AFF1: variants seen among roughly 807,000 people sequenced by gnomAD.
The protein encoded by AFF1 is AF4/FMR2 family member 1.
In AFF1, 48 loss-of-function variants were observed where a neutral mutation model predicts 121.7. The observed-to-expected ratio is 0.39, with a 90% CI of 0.31 to 0.50. The LOEUF is 0.50. AFF1 is among the 20% of genes least tolerant of loss of function. The pLI is 0.76. For synonymous variants in AFF1, 613 were observed against 563.0 expected (o/e 1.09, Z -1.26); for missense variants, 1,523 against 1,511.7 (o/e 1.01, Z -0.12).
chr4:87,040,009 A>G (rs1348862270), intron 2 of AFF1, among the ~76,000 whole-genome samples: 1 of 152,078 alleles, frequency 6.6e-6, no homozygotes. Flanking sequence ...CTCCTGCCTC[A>G]GCCTCCCAAG....
intron 2 of AFF1, chr4:86,949,678 G>A: frequency 2.6e-6 from 4 of 1,566,012 alleles, no homozygotes; most frequent in African/African-American, 2.7e-5. Context: ...AGAGCAGGAA[G>A]GGGATGATGG....
intron 2 of AFF1, chr4:87,007,159 A>T: frequency 3.8e-6 from 5 of 1,323,994 alleles, no homozygotes; most frequent in Non-Finnish European, 4.8e-6. Flanking sequence ...GCTCGTCTGA[A>T]GTGCAGATCG....
At chr4:87,057,615 G>T (rs753380159) in intron 4 of AFF1, among the ~76,000 whole-genome samples, 2 of 152,092 alleles carry the variant, frequency 1.3e-5, no homozygotes, top group Non-Finnish European at 2.9e-5. Flanking sequence ...TGGACAGAGG[G>T]TTATCAAAAT....
intron 11 of AFF1, among the ~76,000 whole-genome samples, chr4:87,111,830 T>G (rs762834740): frequency 1.5e-3 from 228 of 152,318 alleles, no homozygotes; most frequent in Non-Finnish European, 2.4e-3. Flanking sequence ...ACATAGGCCT[T>G]CCTTTGGAAC....
chr4:87,111,202 A>G (rs1726492647), intron 11 of AFF1, among the ~76,000 whole-genome samples: 1 of 79,826 alleles, frequency 1.3e-5, no homozygotes, highest in Non-Finnish European at 2.7e-5. Context: ...TTTTTTTAGT[A>G]GAGACGGGGT....
rs551622720 is a variant in AFF1 at position 87,078,681 on chromosome 4, T to C, written c.1060-5439T>C. ...ATCGGGGCAAGAAAAGTGTGACTTA[T>C]CTAACTAGCGAGTTGGGGGTAGATG... On this transcript the variant is annotated intron_variant, in intron 4 of 20. Coordinates refer to ENST00000395146, the MANE Select transcript of AFF1 (RefSeq NM_001166693.3). 7.2e-5 allele frequency among the ~76,000 whole-genome samples: 11 copies of C among 152,306 alleles called. No individual in the cohort carries two copies. The East Asian group carries it at 1.7e-3, about 24-fold the overall frequency.
intron 2 of AFF1, among the ~76,000 whole-genome samples, chr4:86,968,211 C>T (rs1412847778): frequency 1.3e-5 from 2 of 152,174 alleles, no homozygotes; most frequent in Non-Finnish European, 2.9e-5. Flanking sequence ...AAAGATACAA[C>T]CTTTTATTAT....
intron 2 of AFF1, among the ~76,000 whole-genome samples, chr4:86,969,416 T>G (rs1306707470): frequency 1.3e-5 from 2 of 149,700 alleles, no homozygotes; most frequent in African/African-American, 4.9e-5. Flanking sequence ...GAGGCAGAGG[T>G]TGCAGTGAGC....
At chr4:87,124,452 CTATTGTTGT>C (rs1728020404) in intron 12 of AFF1, among the ~76,000 whole-genome samples, 1 of 152,186 alleles carries the variant, frequency 6.6e-6, no homozygotes, top group Admixed American at 6.5e-5. Context: ...GCAATTGTTT[CTATTGTTGT>C]TATATATCTT....
chr4:87,098,938 G>C (rs780755621), intron 8 of AFF1, among the ~76,000 whole-genome samples: 31 of 152,104 alleles, frequency 2.0e-4, no homozygotes, highest in Non-Finnish European at 3.5e-4. Context: ...TCAAAACATT[G>C]TTGGCTTTTA....
At position 87,136,715 on chromosome 4, in the gene AFF1, CA is replaced by C. The variant is rs1174961801; in HGVS notation, c.*1015del. ...CAGTTATGTGGTAACTCATGTTGTC[CA>C]GCCAACTCAGAGTTTCGTCAGTGAA... is the stretch of plus-strand genomic sequence containing the variant. On this transcript the variant is annotated 3_prime_UTR_variant, in exon 21 of 21. Coordinates refer to ENST00000395146, the MANE Select transcript of AFF1 (RefSeq NM_001166693.3). 1.3e-5 allele frequency: 3 copies of C among 228,842 alleles called. No individual in the cohort carries two copies. The highest frequency in any genetic ancestry group is 2.2e-5 in the African/African-American group (1 of 45,042). 14.2% of individuals were successfully genotyped at this position (228,842 alleles called of 1,614,324 possible). A position where few individuals can be genotyped will look rare whatever the true frequency, so the allele number is the denominator to read the frequency against.
intron 2 of AFF1, among the ~76,000 whole-genome samples, chr4:86,952,544 C>G (rs1721423864): frequency 6.6e-6 from 1 of 152,034 alleles, no homozygotes; most frequent in Non-Finnish European, 1.5e-5. Context: ...AGCAAGCCAC[C>G]ACAGCATGTG....
At chr4:87,096,596 G>A (rs1724894144) in intron 8 of AFF1, among the ~76,000 whole-genome samples, 1 of 151,624 alleles carries the variant, frequency 6.6e-6, no homozygotes, top group African/African-American at 2.4e-5. Context: ...TTGGAGTGCA[G>A]TGGCTCTTCA....
intron 2 of AFF1, among the ~76,000 whole-genome samples, chr4:87,000,678 C>A (rs1324810937): frequency 6.9e-6 from 1 of 144,980 alleles, no homozygotes. Flanking sequence ...TGTTTGTAGA[C>A]TGATAATAAG....
intron 4 of AFF1, among the ~76,000 whole-genome samples, chr4:87,063,228 CTTTTTTTTTTT>C (rs569577993): frequency 6.1e-4 from 27 of 44,436 alleles, no homozygotes; most frequent in East Asian, 2.5e-3. Context: ...AGATTCACCT[CTTTTTTTTTTT>C]TTTTTTTTTT....
In AFF1 at chr4:86,959,491, CT is replaced by C. The variant is rs34054629; in HGVS notation, c.38+10936del. Among the ~76,000 whole-genome samples, 903 of 97,948 alleles carry C rather than the reference CT, an allele frequency of 9.2e-3. 11 individuals carry two copies. Among genetic ancestry groups the C allele is most frequent in the African/African-American group, 0.022 (683 of 31,334 alleles). The allele number at this position is 97,948 out of a possible 152,430, so 64.3% of individuals were successfully genotyped here. A position where few individuals can be genotyped will look rare whatever the true frequency, so the allele number is the denominator to read the frequency against. ...CTCCCTTTTAAAGTTCCTTAATACT[CT>C]TTTTTTTTTTTTTTTCCCAATGTGA... On this transcript the variant is annotated intron_variant, in intron 2 of 20. Transcript: ENST00000395146.
At chr4:87,026,978 G>A (rs930259167) in intron 2 of AFF1, among the ~76,000 whole-genome samples, 3 of 152,168 alleles carry the variant, frequency 2.0e-5, no homozygotes, top group African/African-American at 7.2e-5. Flanking sequence ...ATGTGATTCC[G>A]GTGGTTTCTT....
chr4:87,084,252 C>T, intron 5 of AFF1, 88 bp downstream of exon 5: 2 of 1,442,848 alleles, frequency 1.4e-6, no homozygotes, highest in Non-Finnish European at 1.9e-6. Context: ...AGAACAGTTG[C>T]CATTGGCTGG....
chr4:86,941,340 G>C (rs953988307), intron 1 of AFF1, among the ~76,000 whole-genome samples: 1 of 151,728 alleles, frequency 6.6e-6, no homozygotes, highest in Admixed American at 6.6e-5. Flanking sequence ...GTGAGATCTC[G>C]TCTCCACAAA....
Sources: gnomAD v4.1 joint callset for allele counts (sites outside exome capture counted in the v4.1 genomes callset) on GRCh38, gnomAD v4.1.1 for gene constraint, MANE v1.5 for transcripts, NCBI Gene and HGNC (gene_info 2026-07-23, HGNC 2026-07-21) for gene names.